ZBTB4: variants seen among roughly 807,000 people sequenced by gnomAD.
ZBTB4 encodes zinc finger and BTB domain-containing protein 4.
ZBTB4 carries 14 observed loss-of-function variants against 59.8 expected under a neutral mutation model. The observed-to-expected ratio is 0.23, with a 90% CI of 0.15 to 0.37. The LOEUF is 0.37. ZBTB4 is among the 10% of genes least tolerant of loss of function. The probability of loss-of-function intolerance (pLI) is 1.00; values close to 1 mark genes in which losing one functional copy is unlikely to be tolerated. For missense variants in ZBTB4, 1,198 were observed against 1,380.8 expected, an observed-to-expected ratio of 0.87 and a Z score of 2.10; for synonymous variants, 587 against 575.2, an observed-to-expected ratio of 1.02 and a Z score of -0.29.
rs764822732 is a variant in ZBTB4 at position 7,462,611 on chromosome 17, G to C, written c.2371C>G (p.Arg791Gly). ...ACAGGGGTTGGGGTGCCCCCGGGCC[G>C]CTCAGCAGCATGCCTCTGCCCGTGG... Reference protein sequence around the residue: ...SRHGQRHAAERPGGTPTPVIA... With the variant: ...SRHGQRHAAEGPGGTPTPVIA... The change falls in exon 4 of 4, where the codon CGG becomes GGG. Residue 791 changes from arginine to glycine, a missense_variant. Transcript: ENST00000380599. This position sits in a 1 kb window ranked among gnomAD's most constrained non-coding sequence, Gnocchi z 7.5. 8 of 1,609,522 alleles carry C rather than the reference G, an allele frequency of 5.0e-6. No individual in the cohort carries two copies. The South Asian group carries it at 6.6e-5, about 13-fold the overall frequency.
chr17:7,468,154 T>A (rs1015877584), intron 1 of ZBTB4, among the ~76,000 whole-genome samples: 1 of 152,226 alleles, frequency 6.6e-6, no homozygotes, highest in Non-Finnish European at 1.5e-5. Flanking sequence ...GTGGATCACC[T>A]GAGGTCAGGA....
rs143772747 is a variant in ZBTB4, at chr17:7,463,669, G to C, written c.1313C>G (p.Pro438Arg). ...CGGTGTGTTGAGGGTTGGAGAAAGG[G>C]GAGCCTCCGGGGCTCCCTGGCTGTA... ...KTYSQGAPEA[P>R]LSPTLNTPAP... Residue 438 changes from proline to arginine, a missense_variant, in exon 4 of 4, where the codon CCC becomes CGC. Pro to Arg is a moderately radical substitution (Grantham distance 103). Around this residue, in one of 9 missense-constraint regions of ZBTB4, gnomAD observed 550 missense variants for 541.8 expected, o/e 1.02. Coordinates refer to ENST00000380599, the MANE Select transcript of ZBTB4 (RefSeq NM_001128833.2). The C allele has an allele frequency of 4.3e-6, 7 of 1,613,528 alleles. No homozygotes were observed. The South Asian group carries it at 7.7e-5, about 18-fold the overall frequency.
chr17:7,483,081 G>A (rs1597786116), upstream of ZBTB4: 37 of 1,587,282 alleles, frequency 2.3e-5, no homozygotes, highest in East Asian at 6.8e-4. Flanking sequence ...GGGAGGAGAA[G>A]TGACTGGAAA....
chr17:7,478,407 C>CT (rs2070298655), intron 1 of ZBTB4, among the ~76,000 whole-genome samples: 1 of 152,072 alleles, frequency 6.6e-6, no homozygotes, highest in South Asian at 2.1e-4. Context: ...AGACGCGCAG[C>CT]CCCCATGCAA....
Position 7,463,232 on chromosome 17 carries a change from G to T in ZBTB4, c.1750C>A (p.Pro584Thr). 1 of 1,610,978 alleles carries T rather than the reference G, an allele frequency of 6.2e-7. No individual in the cohort carries two copies. The change falls in exon 4 of 4, where the codon CCC (proline) becomes ACC (threonine). Residue 584 changes from proline to threonine, a missense_variant. Around this residue, in one of 9 missense-constraint regions of ZBTB4, gnomAD observed 550 missense variants for 541.8 expected, o/e 1.02. Transcript: ENST00000380599. ...GGGCCCCGGCCAGCCCCTGTGGGGG[G>T]ACCCCCACCTCCACCAATCCCGCCC... ...PVGGIGGGGG[P>T]PTGAGRGPSQ...
Position 7,466,027 on chromosome 17 carries a change from C to A in ZBTB4, c.775G>T (p.Gly259Trp). The change falls in exon 3 of 4, where the codon GGG (glycine) becomes TGG (tryptophan). Residue 259 changes from glycine to tryptophan, a missense_variant. By Grantham distance (184) the Gly-to-Trp change is radical (BLOSUM62 -2). Around this residue, in one of 9 missense-constraint regions of ZBTB4, gnomAD observed 204 missense variants for 205.5 expected, o/e 0.99. Transcript: ENST00000380599. This position sits in a 1 kb window ranked among gnomAD's most constrained non-coding sequence, Gnocchi z 9.1. ...LQTHEAQCRR[G>W]ASTRGSTGLG... Reference sequence around the variant, plus strand: ...CCTGTAGACCCCCGCGTGCTGGCCCCTCGTCGGCACTGGGCCTCATGGGTC... The same window carrying A: ...CCTGTAGACCCCCGCGTGCTGGCCCATCGTCGGCACTGGGCCTCATGGGTC... The A allele has an allele frequency of 6.2e-7, 1 of 1,608,090 alleles. No individual in the cohort carries two copies. Among genetic ancestry groups the A allele is most frequent in the Non-Finnish European group, 8.5e-7 (1 of 1,176,434 alleles).
upstream of ZBTB4, chr17:7,483,997 C>CCTT (rs2070380712): frequency 2.0e-5 from 3 of 151,758 alleles, no homozygotes; most frequent in African/African-American, 7.3e-5. Context: ...CGCCCCGCCG[C>CCTT]CATTACCGAT....
At chr17:7,481,158 C>T (rs1424024951), upstream of ZBTB4, among the ~76,000 whole-genome samples, 4 of 98,268 alleles carry the variant, frequency 4.1e-5, no homozygotes, top group South Asian at 3.6e-4. Context: ...AGCAAAACTC[C>T]GTCCCAAAAA....
At position 7,463,350 on chromosome 17, in the gene ZBTB4, G is replaced by T; in HGVS notation, c.1632C>A (p.Thr544=). ...TGGTGGCCATGGCTGGCCCTGCAGCGGTGGCTGGGCTGACTGCTGTGGCTG... is the reference window on the plus strand; with the variant it reads ...TGGTGGCCATGGCTGGCCCTGCAGCTGTGGCTGGGCTGACTGCTGTGGCTG... ...TSPATAVSPA[T]AAGPAMATTT... The change falls in exon 4 of 4, where the codon ACC becomes ACA. Residue 544 remains threonine, a synonymous_variant. Transcript: ENST00000380599. The T allele has an allele frequency of 6.2e-7, 1 of 1,606,962 alleles. No homozygotes were observed. The highest frequency in any genetic ancestry group is 1.1e-5 in the South Asian group (1 of 89,798).
upstream of ZBTB4, among the ~76,000 whole-genome samples, chr17:7,479,968 A>G (rs551347723): frequency 1.3e-5 from 2 of 152,042 alleles, no homozygotes; most frequent in East Asian, 3.9e-4. Flanking sequence ...CATAACACAC[A>G]GGCTCTCAGG....
chr17:7,482,764 G>A (rs746089844), upstream of ZBTB4: 1 of 1,612,056 alleles, frequency 6.2e-7, no homozygotes, highest in Admixed American at 1.7e-5. Context: ...GGGCAGTGGG[G>A]ATCCTCGCCT....
At chr17:7,474,503 C>T (rs1284001488) in intron 1 of ZBTB4, among the ~76,000 whole-genome samples, 1 of 152,076 alleles carries the variant, frequency 6.6e-6, no homozygotes, top group African/African-American at 2.4e-5. Flanking sequence ...CAGGTGTGAG[C>T]CACAGCGCCC....
upstream of ZBTB4, chr17:7,483,476 A>G (rs2070373949): frequency 4.2e-6 from 1 of 236,030 alleles, no homozygotes; most frequent in African/African-American, 2.3e-5. Flanking sequence ...TTGACATCAA[A>G]CAAGGATTAC....
upstream of ZBTB4, chr17:7,482,414 G>A (rs772915658): frequency 6.2e-6 from 10 of 1,613,884 alleles, no homozygotes; most frequent in Admixed American, 3.3e-5. Flanking sequence ...CTGCTCCGCC[G>A]TCCTCACCCT....
chr17:7,482,252 C>CGT (rs750506434), upstream of ZBTB4: 2 of 1,613,898 alleles, frequency 1.2e-6, no homozygotes, highest in African/African-American at 2.7e-5. Context: ...ACTTAAACTG[C>CGT]GTGGCGACCC....
At chr17:7,473,079 C>T (rs566793350) in intron 1 of ZBTB4, among the ~76,000 whole-genome samples, 24 of 145,276 alleles carry the variant, frequency 1.7e-4, no homozygotes, top group African/African-American at 5.1e-4. Context: ...CTCAACCTCA[C>T]GAGTCACTGG....
At chr17:7,470,085 A>G (rs1372068404) in intron 1 of ZBTB4, among the ~76,000 whole-genome samples, 1 of 152,066 alleles carries the variant, frequency 6.6e-6, no homozygotes, top group African/African-American at 2.4e-5. Flanking sequence ...TGTCTCAAAA[A>G]ATAAATAAAT....
At chr17:7,467,162 CAGAACTCCCCAGCCT>C (rs1413543195) in intron 2 of ZBTB4, 80 bp downstream of exon 2, 2 of 1,081,704 alleles carry the variant, frequency 1.8e-6, no homozygotes, top group Non-Finnish European at 2.2e-6. Context: ...AGCCATTTCA[CAGAACTCCCCAGCCT>C]AGACAAAATG....
chr17:7,480,715 G>T (rs1171691729), upstream of ZBTB4, among the ~76,000 whole-genome samples: 1 of 151,086 alleles, frequency 6.6e-6, no homozygotes, highest in East Asian at 2.0e-4. Context: ...GACAGACTCC[G>T]TCTCAAAAAA....
Sources: gnomAD v4.1 joint callset for allele counts (sites outside exome capture counted in the v4.1 genomes callset) on GRCh38, gnomAD v4.1.1 for gene constraint, gnomAD v4.1.1 regional missense constraint, Gnocchi (gnomAD v3.1) non-coding constraint, MANE v1.5 for transcripts, NCBI Gene and HGNC (gene_info 2026-07-23, HGNC 2026-07-21) for gene names.